The following CRY1 variants were observed in gnomAD, a reference collection of about 807,000 sequenced individuals.
CRY1 encodes the protein cryptochrome circadian regulator 1.
In CRY1, 45 loss-of-function variants were observed where a neutral mutation model predicts 76.0. That is an observed-to-expected ratio of 0.59 (90% CI 0.47 to 0.76). The LOEUF (loss-of-function observed/expected upper bound fraction) is 0.76. Among genes scored for constraint, CRY1 ranks in the 30% least tolerant of loss-of-function variants. The probability of loss-of-function intolerance (pLI) is 0.00; values close to 1 mark genes in which losing one functional copy is unlikely to be tolerated. For missense variants in CRY1, 587 were observed against 716.4 expected, an observed-to-expected ratio of 0.82 and a Z score of 2.06; for synonymous variants, 248 against 244.0, an observed-to-expected ratio of 1.02 and a Z score of -0.15.
chr12:107,051,837 AG>A (rs1952925519), intron 1 of CRY1, among the ~76,000 whole-genome samples: 1 of 152,196 alleles, frequency 6.6e-6, no homozygotes, highest in Non-Finnish European at 1.5e-5. Context: ...CTATTTTTAA[AG>A]AACACTATAT....
intron 3 of CRY1, among the ~76,000 whole-genome samples, chr12:107,004,557 A>G (rs1177147932): frequency 6.6e-6 from 1 of 152,158 alleles, no homozygotes; most frequent in Non-Finnish European, 1.5e-5. Context: ...AAGCATCACC[A>G]AGGACTGGTG....
intron 1 of CRY1, among the ~76,000 whole-genome samples, chr12:107,043,360 A>C (rs896448552): frequency 9.9e-5 from 15 of 152,212 alleles, no homozygotes; most frequent in Non-Finnish European, 2.1e-4. Context: ...GCCACCCAGA[A>C]GAATGATCAT....
chr12:107,007,782 A>G (rs1165095275), intron 2 of CRY1, among the ~76,000 whole-genome samples: 2 of 152,066 alleles, frequency 1.3e-5, no homozygotes, highest in Admixed American at 1.3e-4. Flanking sequence ...CTCCTTCCTC[A>G]GCCTCCCAAC....
chr12:107,083,305 C>T (rs1344350213), intron 1 of CRY1, among the ~76,000 whole-genome samples: 1 of 152,092 alleles, frequency 6.6e-6, no homozygotes, highest in Non-Finnish European at 1.5e-5. Flanking sequence ...TTATTCCAAA[C>T]AAAAGAAAAA....
At chr12:107,049,087 A>G (rs993948030) in intron 1 of CRY1, among the ~76,000 whole-genome samples, 6 of 152,286 alleles carry the variant, frequency 3.9e-5, no homozygotes, top group African/African-American at 1.4e-4. Flanking sequence ...TATGGACTTT[A>G]GTGCTTGTAT....
rs1952641610 is a variant in CRY1, at chr12:107,028,592, A to G, written c.159-6400T>C. Among the ~76,000 whole-genome samples, 4 of 152,340 alleles carry G rather than the reference A, an allele frequency of 2.6e-5. No homozygotes were observed. In the South Asian group the frequency reaches 6.2e-4, roughly 24 times the overall value. Reference sequence around the variant, plus strand: ...ATTAATATCATGCTCTAATTGAAACATATAGGAGAAATTAAAGGAAAGTCA... The same window carrying G: ...ATTAATATCATGCTCTAATTGAAACGTATAGGAGAAATTAAAGGAAAGTCA... On this transcript the variant is annotated intron_variant, in intron 1 of 12. Transcript: ENST00000008527.
At chr12:107,075,434 T>C (rs551447984) in intron 1 of CRY1, among the ~76,000 whole-genome samples, 38 of 152,104 alleles carry the variant, frequency 2.5e-4, no homozygotes, top group South Asian at 2.1e-4. Flanking sequence ...ACAGCTAAAC[T>C]AGATGGGAAG....
At position 107,040,760 on chromosome 12, in the gene CRY1, G is replaced by C. The variant is rs886604342; in HGVS notation, c.159-18568C>G. On this transcript the variant is annotated intron_variant, in intron 1 of 12. Transcript: ENST00000008527. The stretch of plus-strand genomic sequence containing the variant: ...TAGGAACAATCAAACCAAAATTTTA[G>C]AATCCTAAATCTGACGTGATATTCT... 2.0e-5 allele frequency among the ~76,000 whole-genome samples: 3 copies of C among 152,090 alleles called. No individual in the cohort carries two copies. In the East Asian group the frequency reaches 5.8e-4, roughly 29 times the overall value.
Position 106,999,798 on chromosome 12 carries a change from T to G in CRY1, c.890A>C (p.Tyr297Ser), listed in dbSNP as rs1952281583. 1 of 1,614,244 alleles carries G rather than the reference T, an allele frequency of 6.2e-7. No homozygotes were observed. Among genetic ancestry groups the G allele is most frequent in the Non-Finnish European group, 8.5e-7 (1 of 1,180,044 alleles). ...GCGTGGATTATTTGTTGCTGCTGTA[T>G]AGAAAAATTCACGCCATAACAGTTG... The part of the protein sequence containing the change: ...YGQLLWREFF[Y>S]TAATNNPRFD... The change falls in exon 7 of 13, where the codon TAT becomes TCT. Residue 297 changes from tyrosine to serine, a missense_variant. Transcript: ENST00000008527.
chr12:107,013,060 G>T (rs1413578202), intron 2 of CRY1, among the ~76,000 whole-genome samples: 1 of 152,202 alleles, frequency 6.6e-6, no homozygotes, highest in Non-Finnish European at 1.5e-5. Flanking sequence ...AAAGGATTTA[G>T]GTTATAACAC....
chr12:107,020,184 A>G (rs1952538929), intron 2 of CRY1, among the ~76,000 whole-genome samples: 1 of 93,322 alleles, frequency 1.1e-5, no homozygotes, highest in Non-Finnish European at 2.0e-5. Flanking sequence ...CTTTCATACA[A>G]GCAAAAAAAA....
intron 1 of CRY1, among the ~76,000 whole-genome samples, chr12:107,029,334 T>C (rs1952651503): frequency 6.6e-6 from 1 of 152,188 alleles, no homozygotes; most frequent in African/African-American, 2.4e-5. Context: ...CTCATGCCTG[T>C]AATCCTAGCA....
Position 106,997,358 on chromosome 12 carries a change from AGG to A in CRY1, c.1519_1520del (p.Pro507Ter). 6.2e-7 allele frequency: 1 copy of A among 1,614,002 alleles called. No individual in the cohort carries two copies. The highest frequency in any genetic ancestry group is 8.5e-7 in the Non-Finnish European group (1 of 1,179,948). ...LGLLASVPSN[P>X]NGNGGFMGYS... ...ATCCCATGAAGCCTCCATTCCCATT[AGG>A]ATTAGAAGGTACTGATGCCAGAAGA... On this transcript the variant is annotated frameshift_variant, in exon 10 of 13. Transcript: ENST00000008527. LOFTEE classifies it high-confidence loss of function.
intron 3 of CRY1, among the ~76,000 whole-genome samples, chr12:107,004,221 C>T (rs967389665): frequency 6.6e-6 from 1 of 152,044 alleles, no homozygotes; most frequent in South Asian, 2.1e-4. Context: ...AGCTCGAAGG[C>T]AAGATTATTA....
chr12:107,065,724 G>T (rs144971745), intron 1 of CRY1, among the ~76,000 whole-genome samples: 2 of 152,330 alleles, frequency 1.3e-5, no homozygotes, highest in African/African-American at 4.8e-5. Context: ...TATGTTAAAT[G>T]ATCCATACCA....
chr12:107,054,261 A>G (rs1156385309), intron 1 of CRY1, among the ~76,000 whole-genome samples: 1 of 152,110 alleles, frequency 6.6e-6, no homozygotes, highest in Non-Finnish European at 1.5e-5. Flanking sequence ...ATTATCTAAT[A>G]AATAGACAAA....
At chr12:107,085,778 C>T (rs768352359) in intron 1 of CRY1, among the ~76,000 whole-genome samples, 15 of 151,864 alleles carry the variant, frequency 9.9e-5, no homozygotes, top group East Asian at 1.9e-4. Flanking sequence ...TGTATACCTA[C>T]GTAACAAACC....
At chr12:107,029,109 G>T (rs1467844996) in intron 1 of CRY1, among the ~76,000 whole-genome samples, 3 of 152,014 alleles carry the variant, frequency 2.0e-5, no homozygotes, top group Non-Finnish European at 2.9e-5. Flanking sequence ...TCGTTATGTT[G>T]CCCAGGCTGG....
chr12:107,045,774 A>T (rs1952841857), intron 1 of CRY1, among the ~76,000 whole-genome samples: 1 of 152,030 alleles, frequency 6.6e-6, no homozygotes, highest in Non-Finnish European at 1.5e-5. Context: ...ACACTTGGAC[A>T]CAGGAAGGGG....
Sources: allele counts gnomAD v4.1 joint callset (sites outside exome capture counted in the v4.1 genomes callset), GRCh38; gene constraint gnomAD v4.1.1; transcripts MANE v1.5; gene names NCBI Gene and HGNC (gene_info 2026-07-23, HGNC 2026-07-21).